Variants in HS3ST5 observed in about 807,000 individuals in gnomAD.
The protein encoded by HS3ST5 is heparan sulfate glucosamine 3-O-sulfotransferase 5.
In HS3ST5, 10 loss-of-function variants were observed where a neutral mutation model predicts 25.4. The ratio of observed to expected loss-of-function variants is 0.39; its 90% CI spans 0.24 to 0.67. HS3ST5 has a LOEUF of 0.67. Ranked by LOEUF, HS3ST5 falls within the 30% of genes least tolerant of loss-of-function variation. The pLI is 0.44. For synonymous variants in HS3ST5, 170 were observed against 162.4 expected, an observed-to-expected ratio of 1.05 and a Z score of -0.36; for missense variants, 324 against 420.7, an observed-to-expected ratio of 0.77 and a Z score of 2.01.
At chr6:114,163,782 G>A (rs553784641) in intron 3 of HS3ST5, among the ~76,000 whole-genome samples, 317 of 152,128 alleles carry the variant, frequency 2.1e-3, no homozygotes, top group African/African-American at 7.0e-3. Flanking sequence ...TGTATCTGTC[G>A]ATCATTGTTT....
At chr6:114,314,625 G>A (rs189922327) in intron 1 of HS3ST5, among the ~76,000 whole-genome samples, 1 of 152,306 alleles carries the variant, frequency 6.6e-6, no homozygotes, top group East Asian at 1.9e-4. Context: ...GTTCTTTTGT[G>A]TGTATGCTCT....
chr6:114,161,275 T>A (rs1778932649), intron 3 of HS3ST5, among the ~76,000 whole-genome samples: 1 of 151,404 alleles, frequency 6.6e-6, no homozygotes, highest in South Asian at 2.1e-4. Flanking sequence ...ATCAACTTAA[T>A]GGACTGACAA....
At chr6:114,112,877 T>C (rs558298832) in intron 3 of HS3ST5, among the ~76,000 whole-genome samples, 15 of 152,332 alleles carry the variant, frequency 9.8e-5, no homozygotes, top group Admixed American at 9.2e-4. Flanking sequence ...ATGTTTCTAT[T>C]GGTGCACAGG....
At chr6:114,257,272 C>T (rs556162550) in intron 1 of HS3ST5, among the ~76,000 whole-genome samples, 5 of 152,144 alleles carry the variant, frequency 3.3e-5, no homozygotes, top group Non-Finnish European at 7.4e-5. Flanking sequence ...AGGTTTTTAA[C>T]GTAGAAAAAT....
intron 3 of HS3ST5, among the ~76,000 whole-genome samples, chr6:114,156,206 T>A (rs750773256): frequency 9.9e-5 from 15 of 152,128 alleles, no homozygotes; most frequent in Non-Finnish European, 1.2e-4. Context: ...TCCTATTCTT[T>A]CCCAAATTAA....
At chr6:114,333,922 A>G (rs1776505099) in intron 1 of HS3ST5, among the ~76,000 whole-genome samples, 1 of 152,174 alleles carries the variant, frequency 6.6e-6, no homozygotes. Context: ...AATAAAATGG[A>G]AAGAAGTATC....
At chr6:114,212,319 C>G (rs1294852302) in intron 2 of HS3ST5, among the ~76,000 whole-genome samples, 1 of 152,338 alleles carries the variant, frequency 6.6e-6, no homozygotes, top group African/African-American at 2.4e-5. Context: ...AGAGCTTCTA[C>G]CATTCAGTTG....
At chr6:114,161,785 TG>T (rs34679241) in intron 3 of HS3ST5, among the ~76,000 whole-genome samples, 50,003 of 150,156 alleles carry the variant, frequency 0.33, 9,097 homozygotes, top group East Asian at 0.6. Context: ...ACTTTCTCTA[TG>T]GCTGCATTTT....
chr6:114,213,346 TGG>T (rs1333844718), intron 2 of HS3ST5, among the ~76,000 whole-genome samples: 1 of 4,498 alleles, frequency 2.2e-4, no homozygotes, highest in African/African-American at 7.6e-4. Flanking sequence ...GCGGCGGGGG[TGG>T]GGGGGTGGGC....
chr6:114,330,115 T>G (rs889436593), intron 1 of HS3ST5, among the ~76,000 whole-genome samples: 1 of 152,160 alleles, frequency 6.6e-6, no homozygotes, highest in South Asian at 2.1e-4. Context: ...AAAATTTAGA[T>G]TATTCCAGAT....
At chr6:114,063,390 C>T (rs1773250152) in intron 3 of HS3ST5, among the ~76,000 whole-genome samples, 1 of 152,026 alleles carries the variant, frequency 6.6e-6, no homozygotes, top group Non-Finnish European at 1.5e-5. Flanking sequence ...TGGTGGGCCC[C>T]TGTAATCCCA....
intron 2 of HS3ST5, among the ~76,000 whole-genome samples, chr6:114,197,251 A>G (rs974617316): frequency 1.1e-4 from 16 of 151,820 alleles, no homozygotes; most frequent in Non-Finnish European, 2.4e-4. Context: ...AAGACTATAT[A>G]TTCTGTATTA....
chr6:114,068,832 T>C (rs1233921128), intron 3 of HS3ST5, among the ~76,000 whole-genome samples: 1 of 152,214 alleles, frequency 6.6e-6, no homozygotes, highest in East Asian at 1.9e-4. Context: ...TCAGTGTCTT[T>C]CATTTTGCCT....
intron 3 of HS3ST5, among the ~76,000 whole-genome samples, chr6:114,121,935 T>C (rs188394435): frequency 6.6e-6 from 1 of 152,370 alleles, no homozygotes; most frequent in East Asian, 1.9e-4. Context: ...CAGCGTGTCC[T>C]ACCTTCTTCC....
At position 114,058,120 on chromosome 6, in the gene HS3ST5, C is replaced by A. The variant is rs769565557; in HGVS notation, c.178G>T (p.Ala60Ser). The part of the protein sequence containing the change: ...ARTQAEFPLR[A>S]LQFKRGLLHE... ...AGCAGGCCACGCTTAAACTGCAGGG[C>A]GCGAAGTGGGAATTCAGCCTGAGTG... Residue 60 changes from alanine (A) to serine (S), a missense_variant, in exon 5 of 5, where the codon GCC becomes TCC. Ala to Ser is a moderately conservative substitution (Grantham distance 99). Transcript: ENST00000312719. The A allele has an allele frequency of 1.2e-6, 2 of 1,613,882 alleles. No homozygotes were observed. The highest frequency in any genetic ancestry group is 1.7e-6 in the Non-Finnish European group (2 of 1,179,864).
intron 2 of HS3ST5, among the ~76,000 whole-genome samples, chr6:114,218,941 T>C (rs542382535): frequency 1.3e-5 from 2 of 152,364 alleles, no homozygotes; most frequent in South Asian, 4.1e-4. Flanking sequence ...TCTTGTGTAA[T>C]GTGACTTCTT....
intron 1 of HS3ST5, among the ~76,000 whole-genome samples, chr6:114,233,398 G>C (rs974003736): frequency 1.3e-5 from 2 of 151,848 alleles, no homozygotes; most frequent in African/African-American, 4.8e-5. Flanking sequence ...TCTCACAATG[G>C]CTAGTTTACC....
At chr6:114,185,729 TTTTC>T (rs1400267780) in intron 2 of HS3ST5, among the ~76,000 whole-genome samples, 2 of 151,900 alleles carry the variant, frequency 1.3e-5, no homozygotes, top group African/African-American at 2.4e-5. Context: ...ATCAGTGTCT[TTTTC>T]TTTCTTTCTT....
At chr6:114,263,376 T>C (rs1773262774) in intron 1 of HS3ST5, among the ~76,000 whole-genome samples, 1 of 152,172 alleles carries the variant, frequency 6.6e-6, no homozygotes, top group Non-Finnish European at 1.5e-5. Context: ...TGAACTCTTA[T>C]ATGTTATCAT....
Sources: allele counts gnomAD v4.1 joint callset (sites outside exome capture counted in the v4.1 genomes callset), GRCh38; gene constraint gnomAD v4.1.1; transcripts MANE v1.5; gene names NCBI Gene and HGNC (gene_info 2026-07-23, HGNC 2026-07-21).